Variants in DENND3 observed in about 807,000 individuals in gnomAD.
DENND3 encodes the protein DENN domain containing 3, also known as DENN domain-containing protein 3.
DENND3 carries 88 observed loss-of-function variants against 135.1 expected under a neutral mutation model. The ratio of observed to expected loss-of-function variants is 0.65; its 90% CI spans 0.55 to 0.78. DENND3 has a LOEUF of 0.78. Ranked by LOEUF, DENND3 falls within the 30% of genes least tolerant of loss-of-function variation. The pLI, the probability that DENND3 is intolerant of heterozygous loss-of-function variation, is 0.00. For synonymous variants in DENND3, 693 were observed against 712.3 expected (o/e 0.97, Z 0.43); for missense variants, 1,392 against 1,688.4 (o/e 0.82, Z 3.08).
intron 11 of DENND3, among the ~76,000 whole-genome samples, chr8:141,165,819 G>A (rs773530687): frequency 3.3e-5 from 5 of 152,088 alleles, no homozygotes; most frequent in Non-Finnish European, 5.9e-5. Flanking sequence ...CATGCTCCCC[G>A]TGGTTTGTGG....
intron 4 of DENND3, chr8:141,142,215 G>T: frequency 2.7e-6 from 1 of 372,758 alleles, no homozygotes; most frequent in Non-Finnish European, 5.3e-6. Context: ...GACATGGTCA[G>T]TCCCAGTGGG....
At chr8:141,189,741 T>C (rs923596786) in intron 19 of DENND3, among the ~76,000 whole-genome samples, 3 of 152,024 alleles carry the variant, frequency 2.0e-5, no homozygotes, top group Non-Finnish European at 2.9e-5. Context: ...TCAGGCCCTG[T>C]TGGGGTGGGT....
Position 141,194,363 on chromosome 8 carries a change from T to A in DENND3, c.*130T>A. On this transcript the variant is annotated 3_prime_UTR_variant, in exon 23 of 23. Transcript: ENST00000519811. ...GCCCAGGCTCAGCATGGAGCCCACT[T>A]ACCGTGTGGCCAGCCGCGAGACCCA... is the stretch of plus-strand genomic sequence containing the variant. The A allele has an allele frequency of 8.7e-7, 1 of 1,155,070 alleles. No individual in the cohort carries two copies. Among genetic ancestry groups the A allele is most frequent in the Non-Finnish European group, 1.2e-6 (1 of 823,428 alleles). 71.6% of individuals were successfully genotyped at this position (1,155,070 alleles called of 1,614,324 possible). A position where few individuals can be genotyped will look rare whatever the true frequency, so the allele number is the denominator to read the frequency against.
At position 141,182,565 on chromosome 8, in the gene DENND3, G is replaced by A. The variant is rs1589697775; in HGVS notation, c.2944+1711G>A. 3.3e-6 allele frequency: 3 copies of A among 909,108 alleles called. No individual in the cohort carries two copies. The East Asian group carries it at 3.6e-4, about 109-fold the overall frequency. The allele number at this position is 909,108 out of a possible 1,614,324, so 56.3% of individuals were successfully genotyped here. Reference sequence around the variant, plus strand: ...CTGTTGTGACGGGCGAGGAGTTCAGGCGGCTTCCCCTCCAGGAGCATCTCG... The same window carrying A: ...CTGTTGTGACGGGCGAGGAGTTCAGACGGCTTCCCCTCCAGGAGCATCTCG... On this transcript the variant is annotated intron_variant, in intron 17 of 22. Coordinates refer to ENST00000519811, the MANE Select transcript of DENND3 (RefSeq NM_001352890.3). The surrounding 1 kb of genome is among the most constrained non-coding windows in gnomAD (Gnocchi z 5.9).
intron 18 of DENND3, among the ~76,000 whole-genome samples, chr8:141,186,988 T>C (rs1823977313): frequency 6.6e-6 from 1 of 152,190 alleles, no homozygotes; most frequent in Non-Finnish European, 1.5e-5. Context: ...CTGCGCGCCC[T>C]TTGTCCATGT....
chr8:141,148,342 A>T (rs992718914), intron 5 of DENND3, among the ~76,000 whole-genome samples: 1 of 152,148 alleles, frequency 6.6e-6, no homozygotes, highest in Non-Finnish European at 1.5e-5. Context: ...CCTTCCTCTG[A>T]TGGTGCATGG....
chr8:141,189,130 G>C lies in DENND3; in HGVS notation c.3229G>C (p.Gly1077Arg). The change falls in exon 19 of 23, where the codon GGA becomes CGA. Residue 1077 changes from glycine (G) to arginine (R), a missense_variant. Gly to Arg is a moderately radical substitution (Grantham distance 125, BLOSUM62 -2). Transcript: ENST00000519811. ...TGTCACGGATTTGATTGTGCAGGAC[G>C]GACAGGAGGCACCCAGGTGCAGTAA... is the stretch of plus-strand genomic sequence containing the variant. ...SSVTDLIVQDGQEAPSNVYSC... is the reference protein window; with the variant it reads ...SSVTDLIVQDRQEAPSNVYSC... The C allele has an allele frequency of 1.2e-6, 2 of 1,614,208 alleles. No homozygotes were observed. Among genetic ancestry groups the C allele is most frequent in the Non-Finnish European group, 1.7e-6 (2 of 1,180,018 alleles).
rs1820040301 is a variant in DENND3, at chr8:141,160,762, C to G, written c.1327C>G (p.Leu443Val). ...CAACTGCCAGATACAGCAGACCACC[C>G]TGCAGCTGCTCGTGAGCATCTTCAG... The part of the protein sequence containing the change: ...KLNCQIQQTT[L>V]QLLVSIFRDV... The change falls in exon 9 of 23, where the codon CTG becomes GTG. Residue 443 changes from leucine to valine, a missense_variant. Physicochemically the swap from Leu to Val is conservative, Grantham distance 32. Coordinates refer to ENST00000519811, the MANE Select transcript of DENND3 (RefSeq NM_001352890.3). 6.2e-7 allele frequency: 1 copy of G among 1,612,268 alleles called. No homozygotes were observed. Among genetic ancestry groups the G allele is most frequent in the Non-Finnish European group, 8.5e-7 (1 of 1,179,248 alleles).
intron 18 of DENND3, among the ~76,000 whole-genome samples, chr8:141,185,923 A>T (rs1229213205): frequency 6.6e-6 from 1 of 151,838 alleles, no homozygotes; most frequent in African/African-American, 2.4e-5. Flanking sequence ...CAGGCTTCAC[A>T]CACTTTGGGA....
chr8:141,145,825 ATATATATATATATATATATATATATGTAT>A (rs1466769885), intron 5 of DENND3, among the ~76,000 whole-genome samples: 1 of 37,236 alleles, frequency 2.7e-5, no homozygotes, highest in African/African-American at 1.4e-4. Context: ...ATATATATAT[ATATATATATATATATATATATATATGTAT>A]TTTTTTTTTT....
intron 17 of DENND3, chr8:141,184,887 G>C (rs1450729605): frequency 2.7e-5 from 11 of 400,350 alleles, no homozygotes; most frequent in Non-Finnish European, 5.0e-5. Context: ...AAGCTCACAG[G>C]CATTCGGCTC....
chr8:141,131,793 G>A (rs1165836193), intron 1 of DENND3, among the ~76,000 whole-genome samples: 1 of 151,892 alleles, frequency 6.6e-6, no homozygotes, highest in Non-Finnish European at 1.5e-5. Flanking sequence ...TTATTGGGTA[G>A]GGGTTTAATA....
Position 141,174,693 on chromosome 8 carries a change from CAA to C in DENND3, c.2276-505_2276-504del, listed in dbSNP as rs1463404210. On this transcript the variant is annotated intron_variant, in intron 13 of 22. Transcript: ENST00000519811. The surrounding 1 kb of genome is among the most constrained non-coding windows in gnomAD (Gnocchi z 4.6). ...CAAAAGTCAATGATTTGCTGGTAAC[CAA>C]AGAGTGTGGAGGTCGGGCCAGTTAC... 2.0e-5 allele frequency among the ~76,000 whole-genome samples: 3 copies of C among 152,060 alleles called. No homozygotes were observed. The highest frequency in any genetic ancestry group is 1.9e-4 in the East Asian group (1 of 5,186).
chr8:141,175,693 T>A lies in DENND3; in HGVS notation c.2535+234T>A. ...TGCATATGGAGCATGCTTAGAATGGTAACTGATTCTCTGTCACAGCTGACT... is the reference window on the plus strand; with the variant it reads ...TGCATATGGAGCATGCTTAGAATGGAAACTGATTCTCTGTCACAGCTGACT... On this transcript the variant is annotated intron_variant, in intron 14 of 22. Transcript: ENST00000519811. The surrounding 1 kb of genome is among the most constrained non-coding windows in gnomAD (Gnocchi z 5.4). The A allele has an allele frequency of 6.8e-6, 4 of 584,392 alleles. No individual in the cohort carries two copies. The South Asian group carries it at 7.6e-5, about 11-fold the overall frequency. 36.2% of individuals were successfully genotyped at this position (584,392 alleles called of 1,614,324 possible).
In DENND3 at chr8:141,130,317, G is replaced by A. The variant is rs1042679192; in HGVS notation, c.102+1508G>A. ...ATTCCTGAGCTCAAGTGATCCTCCC[G>A]CCTCAGCCTTTCAAAGTGCTGGGAT... On this transcript the variant is annotated intron_variant, in intron 1 of 22. Coordinates refer to ENST00000519811, the MANE Select transcript of DENND3 (RefSeq NM_001352890.3). This position sits in a 1 kb window ranked among gnomAD's most constrained non-coding sequence, Gnocchi z 4.2. Among the ~76,000 whole-genome samples, 8 of 152,056 alleles carry A rather than the reference G, an allele frequency of 5.3e-5. No individual in the cohort carries two copies. The highest frequency in any genetic ancestry group is 1.7e-4 in the African/African-American group (7 of 41,384).
intron 1 of DENND3, among the ~76,000 whole-genome samples, chr8:141,131,812 C>T (rs982428228): frequency 1.3e-5 from 2 of 151,116 alleles, no homozygotes; most frequent in South Asian, 4.2e-4. Flanking sequence ...TAAGTCAGCA[C>T]CTGGGACAGA....
chr8:141,169,180 C>T (rs1194190643), intron 13 of DENND3, among the ~76,000 whole-genome samples: 1 of 152,214 alleles, frequency 6.6e-6, no homozygotes, highest in Admixed American at 6.5e-5. Context: ...AAATGCTTAA[C>T]GACAGTGGTC....
chr8:141,149,760 G>T (rs997069741), intron 5 of DENND3, among the ~76,000 whole-genome samples: 1 of 152,260 alleles, frequency 6.6e-6, no homozygotes, highest in East Asian at 1.9e-4. Context: ...GGTGTCCCCC[G>T]CTGGGACGCG....
intron 18 of DENND3, among the ~76,000 whole-genome samples, chr8:141,187,522 G>A (rs577620678): frequency 1.1e-4 from 16 of 152,072 alleles, no homozygotes; most frequent in African/African-American, 3.6e-4. Flanking sequence ...CACTGCGCCC[G>A]GCCATGGTAT....
Sources: allele counts gnomAD v4.1 joint callset (sites outside exome capture counted in the v4.1 genomes callset), GRCh38; gene constraint gnomAD v4.1.1; non-coding constraint Gnocchi (gnomAD v3.1); transcripts MANE v1.5; gene names NCBI Gene and HGNC (gene_info 2026-07-23, HGNC 2026-07-21).